Variants in ANKRD36C observed in about 807,000 individuals in gnomAD.
The protein encoded by ANKRD36C is ankyrin repeat domain 36C, also known as ankyrin repeat domain-containing protein 36C.
Under a neutral mutation model 276.4 loss-of-function variants are expected in ANKRD36C, and 61 were observed. The observed-to-expected ratio is 0.22, with a 90% CI of 0.18 to 0.27. The LOEUF (loss-of-function observed/expected upper bound fraction) is 0.27. Ranked by LOEUF, ANKRD36C falls within the 10% of genes least tolerant of loss-of-function variation. The pLI, the probability that ANKRD36C is intolerant of heterozygous loss-of-function variation, is 1.00. For synonymous variants in ANKRD36C, 483 were observed against 680.1 expected (o/e 0.71, Z 4.51); for missense variants, 1,447 against 2,032.3 (o/e 0.71, Z 5.54).
At chr2:95,979,962 A>G (rs1473785126) in intron 5 of ANKRD36C, among the ~76,000 whole-genome samples, 1 of 152,018 alleles carries the variant, frequency 6.6e-6, no homozygotes, top group Non-Finnish European at 1.5e-5. Flanking sequence ...TGAGCATATA[A>G]GTATGTGCAA....
intron 24 of ANKRD36C, among the ~76,000 whole-genome samples, chr2:95,934,140 T>C (rs2104448562): frequency 6.6e-6 from 1 of 152,262 alleles, no homozygotes; most frequent in East Asian, 1.9e-4. Flanking sequence ...TAGGAACGCT[T>C]TTATATTGTT....
intron 34 of ANKRD36C, among the ~76,000 whole-genome samples, 153 bp downstream of exon 36, chr2:95,919,580 G>C (rs1414460740): frequency 7.6e-6 from 1 of 131,998 alleles, no homozygotes; most frequent in Non-Finnish European, 1.7e-5. Context: ...CGTCTCCCAA[G>C]AAATTTATTA....
chr2:95,932,908 A>G (rs1677606227), intron 24 of ANKRD36C, among the ~76,000 whole-genome samples: 1 of 152,286 alleles, frequency 6.6e-6, no homozygotes, highest in African/African-American at 2.4e-5. Flanking sequence ...TTATGGTTTT[A>G]GGTCTTACTT....
At chr2:95,917,926 G>A in exon 36 of ANKRD36C, 3 of 1,606,564 alleles carry the variant, frequency 1.9e-6, no homozygotes, top group South Asian at 2.2e-5. Flanking sequence ...GTCAGTTGTA[G>A]CCTGAATGGA....
chr2:95,895,718 T>C, intron 44 of ANKRD36C, 128 bp from the exon 61 acceptor site: 2 of 1,489,112 alleles, frequency 1.3e-6, no homozygotes, highest in Non-Finnish European at 1.8e-6. Context: ...TGGCTTCTAC[T>C]TTGTCTCAGG....
At chr2:95,912,718 G>A (rs558602934) in intron 40 of ANKRD36C, among the ~76,000 whole-genome samples, 1 of 151,556 alleles carries the variant, frequency 6.6e-6, no homozygotes, top group East Asian at 2.0e-4. Context: ...TATGCTGAGT[G>A]ATGAGGACAA....
At chr2:95,889,654 C>T (rs1676287012) in intron 48 of ANKRD36C, 145 bp downstream of exon 68, 8 of 1,189,300 alleles carry the variant, frequency 6.7e-6, no homozygotes, top group Non-Finnish European at 9.5e-6. Flanking sequence ...ATCAGGGTCA[C>T]CTGAGAACTT....
At chr2:95,928,471 T>A (rs1202049834) in intron 26 of ANKRD36C, among the ~76,000 whole-genome samples, 1 of 151,624 alleles carries the variant, frequency 6.6e-6, no homozygotes, top group Non-Finnish European at 1.5e-5. Flanking sequence ...CTTCCAGTAG[T>A]TCTTGGAGCA....
chr2:95,855,064 GAC>G (rs1675376956), intron 63 of ANKRD36C, among the ~76,000 whole-genome samples, 200 bp downstream of exon 83: 1 of 151,996 alleles, frequency 6.6e-6, no homozygotes, highest in Non-Finnish European at 1.5e-5. Flanking sequence ...TTTTATAAGT[GAC>G]ACATTAACTT....
In ANKRD36C at chr2:95,958,830, T is replaced by A. The variant is rs1159277207; in HGVS notation, c.1004-45A>T. ...CATAATCACTCATATGTAAATATGA[T>A]AAAGTTATCCATACTTTCATGCAGT... On this transcript the variant is annotated intron_variant, in intron 10 of 66. Transcript: ENST00000456556. The A allele has an allele frequency of 4.7e-6, 7 of 1,481,644 alleles. No homozygotes were observed. In the East Asian group the frequency reaches 1.7e-4, roughly 37 times the overall value. The allele number at this position is 1,481,644 out of a possible 1,614,324, so 91.8% of individuals were successfully genotyped here.
intron 44 of ANKRD36C, among the ~76,000 whole-genome samples, chr2:95,892,468 T>A (rs1676400284): frequency 6.6e-6 from 1 of 151,516 alleles, no homozygotes; most frequent in African/African-American, 2.4e-5. Context: ...TCTGCCTAAG[T>A]TTCTTCTATC....
At position 95,944,695 on chromosome 2, in the gene ANKRD36C, C is replaced by T. The variant is rs1370012773; in HGVS notation, c.1424-1G>A. On this transcript the variant is annotated splice_acceptor_variant, in intron 18 of 66. Transcript: ENST00000456556. LOFTEE classifies it high-confidence loss of function. ...TTGTCAATGCCACATGCAGCATCTA[C>T]TACAGTAAAAACAAAGTCAAGAGTA... 2.6e-6 allele frequency: 4 copies of T among 1,537,014 alleles called. No homozygotes were observed. Among genetic ancestry groups the T allele is most frequent in the Non-Finnish European group, 3.5e-6 (4 of 1,146,742 alleles).
At chr2:95,914,236 G>C in intron 39 of ANKRD36C, 39 bp downstream of exon 41, 2 of 1,556,738 alleles carry the variant, frequency 1.3e-6, no homozygotes, top group Non-Finnish European at 1.7e-6. Context: ...CATAGACTAT[G>C]CATTTACTAG....
At chr2:95,942,798 T>C (rs1315311483) in intron 19 of ANKRD36C, among the ~76,000 whole-genome samples, 2 of 151,484 alleles carry the variant, frequency 1.3e-5, no homozygotes, top group African/African-American at 4.9e-5. Flanking sequence ...GTCAAAAGGA[T>C]TCCTGAGTTT....
chr2:95,913,580 C>T (rs1255402032), intron 40 of ANKRD36C, among the ~76,000 whole-genome samples: 1 of 151,328 alleles, frequency 6.6e-6, no homozygotes, highest in Non-Finnish European at 1.5e-5. Context: ...GAAGTGAGTT[C>T]ACTCAGGTTT....
intron 42 of ANKRD36C, among the ~76,000 whole-genome samples, chr2:95,903,445 A>G (rs1230711079): frequency 6.6e-6 from 1 of 150,918 alleles, no homozygotes; most frequent in Non-Finnish European, 1.5e-5. Context: ...ACATGATCCC[A>G]CTTACCTTTC....
Position 95,991,488 on chromosome 2 carries a change from G to A in ANKRD36C, c.197+24C>T, listed in dbSNP as rs1217761192. On this transcript the variant is annotated intron_variant, in intron 1 of 66. Transcript: ENST00000456556. The stretch of plus-strand genomic sequence containing the variant: ...CCACATCCACAGGCCTCCTCCCGCA[G>A]CCCCGGCTCCCGGCCCCCATTACCT... 4.5e-6 allele frequency: 7 copies of A among 1,557,750 alleles called. No individual in the cohort carries two copies. In the Admixed American group the frequency reaches 7.7e-5, roughly 17 times the overall value.
At chr2:95,977,051 A>C (rs1573815892) in intron 6 of ANKRD36C, among the ~76,000 whole-genome samples, 1 of 151,462 alleles carries the variant, frequency 6.6e-6, no homozygotes, top group Admixed American at 6.6e-5. Flanking sequence ...GACTTTGCCT[A>C]ATAATTATAA....
chr2:95,918,101 C>T, intron 34 of ANKRD36C, 59 bp from the exon 37 acceptor site: 1 of 1,576,030 alleles, frequency 6.3e-7, no homozygotes, highest in East Asian at 2.3e-5. Flanking sequence ...GTTATCCATA[C>T]ATTCACACAG....
Sources: gnomAD v4.1 joint callset for allele counts (sites outside exome capture counted in the v4.1 genomes callset) on GRCh38, gnomAD v4.1.1 for gene constraint, MANE v1.5 for transcripts, NCBI Gene and HGNC (gene_info 2026-07-23, HGNC 2026-07-21) for gene names.